The following GRID2 variants were observed in gnomAD, a reference collection of about 807,000 sequenced individuals.
The protein encoded by GRID2 is glutamate receptor ionotropic, delta-2.
Under a neutral mutation model 114.8 loss-of-function variants are expected in GRID2, and 33 were observed. The ratio of observed to expected loss-of-function variants is 0.29; its 90% CI spans 0.22 to 0.38. The LOEUF (loss-of-function observed/expected upper bound fraction) is 0.38. Among genes scored for constraint, GRID2 ranks in the 10% least tolerant of loss-of-function variants. GRID2 has a pLI of 1.00. For synonymous variants in GRID2, 505 were observed against 449.9 expected, an observed-to-expected ratio of 1.12 and a Z score of -1.55; for missense variants, 1,184 against 1,257.7, an observed-to-expected ratio of 0.94 and a Z score of 0.89.
At chr4:92,779,122 C>T (rs191030006) in intron 2 of GRID2, among the ~76,000 whole-genome samples, 1 of 151,712 alleles carries the variant, frequency 6.6e-6, no homozygotes, top group Non-Finnish European at 1.5e-5. Flanking sequence ...TTGAGAAGAA[C>T]TATAGTAGCA....
chr4:92,778,385 A>AT (rs1560586775), intron 2 of GRID2, among the ~76,000 whole-genome samples: 1 of 151,996 alleles, frequency 6.6e-6, no homozygotes, highest in African/African-American at 2.4e-5. Context: ...AATTTGTATG[A>AT]TTTTGCCTAG....
intron 2 of GRID2, among the ~76,000 whole-genome samples, chr4:93,032,874 A>G (rs947006752): frequency 2.6e-5 from 4 of 152,202 alleles, no homozygotes; most frequent in Non-Finnish European, 5.9e-5. Flanking sequence ...GCTACACTCT[A>G]TGAAAGAACA....
At chr4:92,331,965 T>G (rs1369996932) in intron 1 of GRID2, among the ~76,000 whole-genome samples, 1 of 152,172 alleles carries the variant, frequency 6.6e-6, no homozygotes, top group Admixed American at 6.5e-5. Context: ...CAGCCTTCAT[T>G]AAACCATTGC....
intron 2 of GRID2, among the ~76,000 whole-genome samples, chr4:92,771,265 C>A (rs558321924): frequency 6.6e-6 from 1 of 152,144 alleles, no homozygotes; most frequent in Non-Finnish European, 1.5e-5. Flanking sequence ...CTTCTCTCAT[C>A]GTCACAGACA....
chr4:92,725,159 A>G (rs1736010544), intron 2 of GRID2, among the ~76,000 whole-genome samples: 1 of 152,026 alleles, frequency 6.6e-6, no homozygotes, highest in African/African-American at 2.4e-5. Flanking sequence ...AAATTAGCCC[A>G]GTGTGTTGGC....
intron 14 of GRID2, among the ~76,000 whole-genome samples, chr4:93,728,296 T>C (rs900636933): frequency 2.0e-5 from 3 of 152,196 alleles, no homozygotes; most frequent in Admixed American, 6.5e-5. Context: ...TTGAGCAATT[T>C]TGAGTGAGTT....
intron 14 of GRID2, among the ~76,000 whole-genome samples, chr4:93,654,084 G>A (rs1325565323): frequency 3.3e-5 from 5 of 152,056 alleles, no homozygotes; most frequent in Non-Finnish European, 7.4e-5. Context: ...ACTTATTGTA[G>A]CCCAGATGTC....
intron 2 of GRID2, among the ~76,000 whole-genome samples, chr4:93,032,739 TTAGGC>T (rs1185371422): frequency 1.3e-5 from 2 of 152,154 alleles, no homozygotes; most frequent in African/African-American, 4.8e-5. Context: ...ATTATCATAT[TTAGGC>T]TGAAAAGATA....
intron 4 of GRID2, among the ~76,000 whole-genome samples, chr4:93,194,839 C>T (rs546296748): frequency 1.8e-4 from 27 of 152,202 alleles, no homozygotes; most frequent in African/African-American, 6.0e-4. Flanking sequence ...CATGCCAGAC[C>T]TTCTAAATCA....
chr4:92,947,603 C>T (rs1751731394), intron 2 of GRID2, among the ~76,000 whole-genome samples: 1 of 151,602 alleles, frequency 6.6e-6, no homozygotes, highest in African/African-American at 2.4e-5. Flanking sequence ...TGTTAGATAG[C>T]ATTGACAAAT....
chr4:93,803,979 T>A (rs1734984412), intron 1 of GRID2, among the ~76,000 whole-genome samples: 1 of 152,042 alleles, frequency 6.6e-6, no homozygotes, highest in South Asian at 2.1e-4. Context: ...AGTTCCTATA[T>A]CTTCAATGTT....
At chr4:93,224,870 T>G (rs1020593988) in intron 7 of GRID2, 95 bp downstream of exon 7, 11 of 889,446 alleles carry the variant, frequency 1.2e-5, no homozygotes, top group Non-Finnish European at 1.9e-5. Context: ...CTACAAATTC[T>G]AAGCACAAAA....
At chr4:92,542,114 C>A (rs1450500988) in intron 1 of GRID2, among the ~76,000 whole-genome samples, 1 of 151,926 alleles carries the variant, frequency 6.6e-6, no homozygotes, top group Non-Finnish European at 1.5e-5. Context: ...AATGCATATC[C>A]TCATTAACTT....
chr4:92,753,805 A>G (rs1737574542), intron 2 of GRID2, among the ~76,000 whole-genome samples: 1 of 152,208 alleles, frequency 6.6e-6, no homozygotes, highest in Admixed American at 6.5e-5. Flanking sequence ...CTCCCCAATG[A>G]ACAAATGTGT....
intron 10 of GRID2, among the ~76,000 whole-genome samples, chr4:93,430,378 G>C (rs965997155): frequency 6.6e-6 from 1 of 151,924 alleles, no homozygotes; most frequent in Admixed American, 6.6e-5. Context: ...ACAGAGTTTC[G>C]CCATGTTGGC....
chr4:92,604,497 A>G (rs1729363311), intron 2 of GRID2, among the ~76,000 whole-genome samples: 1 of 151,910 alleles, frequency 6.6e-6, no homozygotes, highest in African/African-American at 2.4e-5. Flanking sequence ...ATGAGAACAC[A>G]TGGACACAGG....
intron 13 of GRID2, among the ~76,000 whole-genome samples, chr4:93,557,344 C>T (rs925902912): frequency 2.0e-5 from 3 of 152,078 alleles, no homozygotes; most frequent in African/African-American, 4.8e-5. Context: ...TCAGGAGACC[C>T]GTCTCCCATG....
chr4:93,718,858 C>A (rs897213860), intron 14 of GRID2, among the ~76,000 whole-genome samples: 5 of 152,168 alleles, frequency 3.3e-5, no homozygotes, highest in Non-Finnish European at 7.4e-5. Flanking sequence ...AACATTCTTT[C>A]TCTTCTCAAA....
At chr4:92,473,135 T>C (rs1320755900) in intron 1 of GRID2, among the ~76,000 whole-genome samples, 1 of 152,114 alleles carries the variant, frequency 6.6e-6, no homozygotes, top group Non-Finnish European at 1.5e-5. Flanking sequence ...TCAGTACCAT[T>C]TGTTGAAAAG....
Sources: gnomAD v4.1 joint callset for allele counts (sites outside exome capture counted in the v4.1 genomes callset) on GRCh38, gnomAD v4.1.1 for gene constraint, MANE v1.5 for transcripts, NCBI Gene and HGNC (gene_info 2026-07-23, HGNC 2026-07-21) for gene names.